NOS1: variants seen among roughly 807,000 people sequenced by gnomAD.
NOS1 encodes NOS type I.
Under a neutral mutation model 164.5 loss-of-function variants are expected in NOS1, and 51 were observed. The observed-to-expected ratio is 0.31, with a 90% CI of 0.25 to 0.39. The LOEUF (loss-of-function observed/expected upper bound fraction) is 0.39, where lower values mean the gene tolerates loss of function less well. NOS1 is among the 10% of genes least tolerant of loss of function. The pLI is 1.00. For missense variants in NOS1, 1,362 were observed against 1,885.6 expected (o/e 0.72, Z 5.14); for synonymous variants, 719 against 745.8 (o/e 0.96, Z 0.59).
intron 22 of NOS1, 72 bp from the exon 23 acceptor site, chr12:117,227,713 G>T: frequency 6.8e-7 from 1 of 1,473,442 alleles, no homozygotes; most frequent in Non-Finnish European, 9.5e-7. Flanking sequence ...ACCTGAGGGG[G>T]TCCAGGAAGA....
intron 3 of NOS1, among the ~76,000 whole-genome samples, chr12:117,293,317 C>T (rs767472831): frequency 2.6e-5 from 4 of 152,154 alleles, no homozygotes; most frequent in South Asian, 2.1e-4. Context: ...TCCTCAGTGC[C>T]GGGCGCTACC....
intron 17 of NOS1, among the ~76,000 whole-genome samples, chr12:117,250,646 C>G (rs573675898): frequency 5.9e-5 from 9 of 152,200 alleles, no homozygotes; most frequent in Middle Eastern, 3.4e-3. Flanking sequence ...TACTCTTAAC[C>G]AATGATCTTC....
chr12:117,256,117 G>A, intron 16 of NOS1: 1 of 681,108 alleles, frequency 1.5e-6, no homozygotes, highest in Non-Finnish European at 2.3e-6. Context: ...CATCTAGGAT[G>A]GGGTGGGAAG....
At chr12:117,225,865 GTGATCTGCCTT>G (rs1868630008) in intron 24 of NOS1, among the ~76,000 whole-genome samples, 3 of 152,174 alleles carry the variant, frequency 2.0e-5, no homozygotes, top group African/African-American at 7.2e-5. Context: ...CTGACCTCAA[GTGATCTGCCTT>G]CCTTGGCCTC....
chr12:117,260,436 T>C, intron 14 of NOS1, 29 bp downstream of exon 14: 1 of 1,606,254 alleles, frequency 6.2e-7, no homozygotes, highest in Non-Finnish European at 8.5e-7. Flanking sequence ...CATGAGAAGC[T>C]GGTGGAGCTA....
Position 117,222,869 on chromosome 12 carries a change from G to C in NOS1, c.3827-6C>G. ...CATGGGGCAGGGGTTCATTCCTGGG[G>C]ACCAGGAAGACCTTATGTCACCGAT... On this transcript the variant is annotated splice_region_variant and splice_polypyrimidine_tract_variant and intron_variant, in intron 25 of 28. Coordinates refer to ENST00000317775, the MANE Select transcript of NOS1 (RefSeq NM_000620.5). 6.2e-7 allele frequency: 1 copy of C among 1,611,806 alleles called. No individual in the cohort carries two copies. The highest frequency in any genetic ancestry group is 8.5e-7 in the Non-Finnish European group (1 of 1,179,082).
intron 2 of NOS1, among the ~76,000 whole-genome samples, chr12:117,318,481 T>C (rs573320364): frequency 3.0e-4 from 46 of 152,340 alleles, no homozygotes; most frequent in African/African-American, 1.1e-3. Context: ...AAACCCTTTT[T>C]TCTTCCACTT....
intron 1 of NOS1, among the ~76,000 whole-genome samples, chr12:117,349,409 G>A (rs769030322): frequency 3.3e-5 from 5 of 152,204 alleles, no homozygotes; most frequent in Non-Finnish European, 7.4e-5. Flanking sequence ...TTTGGCTATC[G>A]TGAATAGTGC....
At chr12:117,291,950 G>A (rs1873093322) in intron 3 of NOS1, among the ~76,000 whole-genome samples, 1 of 152,126 alleles carries the variant, frequency 6.6e-6, no homozygotes, top group Non-Finnish European at 1.5e-5. Context: ...AGGGGCAGCA[G>A]GTGCACCCTG....
At position 117,272,063 on chromosome 12, in the gene NOS1, T is replaced by C. The variant is rs1872826937; in HGVS notation, c.1839+322A>G. On this transcript the variant is annotated intron_variant, in intron 10 of 28. Coordinates refer to ENST00000317775, the MANE Select transcript of NOS1 (RefSeq NM_000620.5). The surrounding 1 kb of genome is among the most constrained non-coding windows in gnomAD (Gnocchi z 4.3). The stretch of plus-strand genomic sequence containing the variant: ...TCCCAGCCCTGCTGCCGGCTAGCTG[T>C]GTGACCTTGAGCTTGTCATCTGTCG... 6.6e-6 allele frequency among the ~76,000 whole-genome samples: 1 copy of C among 152,186 alleles called. No homozygotes were observed. Among genetic ancestry groups the C allele is most frequent in the Non-Finnish European group, 1.5e-5 (1 of 68,032 alleles).
At position 117,268,207 on chromosome 12, in the gene NOS1, G is replaced by A; in HGVS notation, c.1840-63C>T. The A allele has an allele frequency of 3.7e-6, 4 of 1,090,078 alleles. No homozygotes were observed. The South Asian group carries it at 3.8e-5, about 10-fold the overall frequency. The allele number at this position is 1,090,078 out of a possible 1,614,324, so 67.5% of individuals were successfully genotyped here. On this transcript the variant is annotated intron_variant, in intron 10 of 28. Transcript: ENST00000317775. ...TATCTCTGGATTTCAGATTGAAGAG[G>A]GACAGGGCTAGTGGCGTGAAATAAT... is the stretch of plus-strand genomic sequence containing the variant.
At position 117,213,975 on chromosome 12, in the gene NOS1, G is replaced by T; in HGVS notation, c.*1334C>A. The stretch of plus-strand genomic sequence containing the variant: ...TGCCCATTTTTGATCTGAGTTGAGG[G>T]TAACTTATTTGTCAAAATTAATTTA... On this transcript the variant is annotated 3_prime_UTR_variant, in exon 29 of 29. Coordinates refer to ENST00000317775, the MANE Select transcript of NOS1 (RefSeq NM_000620.5). 1 of 984,526 alleles carries T rather than the reference G, an allele frequency of 1.0e-6. No individual in the cohort carries two copies. Among genetic ancestry groups the T allele is most frequent in the Non-Finnish European group, 1.2e-6 (1 of 829,680 alleles). 61.0% of individuals were successfully genotyped at this position (984,526 alleles called of 1,614,324 possible).
At chr12:117,261,985 G>A (rs1592962519) in intron 13 of NOS1, among the ~76,000 whole-genome samples, 1 of 152,132 alleles carries the variant, frequency 6.6e-6, no homozygotes, top group African/African-American at 2.4e-5. Flanking sequence ...ACCCAGGCTC[G>A]ACTCCTTAAC....
Position 117,214,435 on chromosome 12 carries a change from A to G in NOS1, c.*874T>C. ...CTATTGCTGGAGGAGGGGGTCAGTCAATGGATGTGGCAAAGTCAAGTGATT... is the reference window on the plus strand; with the variant it reads ...CTATTGCTGGAGGAGGGGGTCAGTCGATGGATGTGGCAAAGTCAAGTGATT... On this transcript the variant is annotated 3_prime_UTR_variant, in exon 29 of 29. Coordinates refer to ENST00000317775, the MANE Select transcript of NOS1 (RefSeq NM_000620.5). 2.0e-6 allele frequency: 2 copies of G among 985,364 alleles called. No individual in the cohort carries two copies. The highest frequency in any genetic ancestry group is 2.4e-6 in the Non-Finnish European group (2 of 829,920). The allele number at this position is 985,364 out of a possible 1,614,324, so 61.0% of individuals were successfully genotyped here.
At chr12:117,329,994 G>C (rs1045032756) in intron 2 of NOS1, among the ~76,000 whole-genome samples, 1 of 152,140 alleles carries the variant, frequency 6.6e-6, no homozygotes, top group South Asian at 2.1e-4. Flanking sequence ...CCTCCACTCC[G>C]AGCCTCCGTC....
chr12:117,272,951 ACTT>A lies in NOS1; in HGVS notation c.1665-395_1665-393del, dbSNP rs1316600365. Among the ~76,000 whole-genome samples, 1 of 151,674 alleles carries A rather than the reference ACTT, an allele frequency of 6.6e-6. No homozygotes were observed. Among genetic ancestry groups the A allele is most frequent in the Non-Finnish European group, 1.5e-5 (1 of 67,900 alleles). ...TTCAGAGCCAAACTCTGTCACCCAA[ACTT>A]CTTCTTTCTTTCTTTTTTTTGGGGG... On this transcript the variant is annotated intron_variant, in intron 9 of 28. Transcript: ENST00000317775. The surrounding 1 kb of genome is among the most constrained non-coding windows in gnomAD (Gnocchi z 4.3).
chr12:117,309,983 T>C (rs573841289), intron 3 of NOS1, among the ~76,000 whole-genome samples: 3 of 152,326 alleles, frequency 2.0e-5, no homozygotes, highest in Non-Finnish European at 4.4e-5. Context: ...CACAGCTCAC[T>C]GCAGCCTTGA....
intron 3 of NOS1, among the ~76,000 whole-genome samples, chr12:117,300,594 A>G (rs1339025123): frequency 6.6e-6 from 1 of 152,130 alleles, no homozygotes; most frequent in East Asian, 1.9e-4. Flanking sequence ...GACTGTGTTC[A>G]GTATACATCC....
intron 20 of NOS1, among the ~76,000 whole-genome samples, chr12:117,239,095 G>A (rs938563309): frequency 6.6e-6 from 1 of 152,192 alleles, no homozygotes; most frequent in Non-Finnish European, 1.5e-5. Flanking sequence ...AGAGAGAGGA[G>A]TGAGGATGAC....
Sources: allele counts gnomAD v4.1 joint callset (sites outside exome capture counted in the v4.1 genomes callset), GRCh38; gene constraint gnomAD v4.1.1; non-coding constraint Gnocchi (gnomAD v3.1); transcripts MANE v1.5; gene names NCBI Gene and HGNC (gene_info 2026-07-23, HGNC 2026-07-21).